CDKL3: variants seen among roughly 807,000 people sequenced by gnomAD.
CDKL3 encodes cyclin-dependent kinase-like 3.
Under a neutral mutation model 69.3 loss-of-function variants are expected in CDKL3, and 65 were observed. That is an observed-to-expected ratio of 0.94 (90% CI 0.77 to 1.15). The LOEUF (loss-of-function observed/expected upper bound fraction) is 1.15. Ranked by LOEUF, CDKL3 falls within the 50% of genes most tolerant of loss-of-function variation. CDKL3 has a pLI of 0.00. For synonymous variants in CDKL3, 202 were observed against 221.6 expected, an observed-to-expected ratio of 0.91 and a Z score of 0.79; for missense variants, 652 against 689.2, an observed-to-expected ratio of 0.95 and a Z score of 0.61.
At chr5:134,324,734 G>A (rs1330375555) in intron 4 of CDKL3, among the ~76,000 whole-genome samples, 1 of 152,098 alleles carries the variant, frequency 6.6e-6, no homozygotes, top group African/African-American at 2.4e-5. Context: ...AAGATTTTTA[G>A]GACCATAAAA....
At chr5:134,320,231 G>T (rs1316134644) in intron 5 of CDKL3, among the ~76,000 whole-genome samples, 1 of 152,046 alleles carries the variant, frequency 6.6e-6, no homozygotes, top group Non-Finnish European at 1.5e-5. Flanking sequence ...ATTGTTCATA[G>T]TATCTTCCTC....
At chr5:134,285,205 C>T (rs765687881), downstream of CDKL3, among the ~76,000 whole-genome samples, 14 of 152,200 alleles carry the variant, frequency 9.2e-5, no homozygotes, top group Non-Finnish European at 1.6e-4. Context: ...CTAGGTGGTG[C>T]CCCAGTAGGG....
At chr5:134,307,462 C>A (rs868357844) in intron 9 of CDKL3, among the ~76,000 whole-genome samples, 12 of 152,320 alleles carry the variant, frequency 7.9e-5, no homozygotes, top group Middle Eastern at 3.4e-3. Context: ...CTCACCTCTG[C>A]AGACCACTGG....
rs549243958 is a variant in CDKL3 at position 134,314,781 on chromosome 5, A to G, written c.793-2401T>C. Among the ~76,000 whole-genome samples, 3 of 152,326 alleles carry G rather than the reference A, an allele frequency of 2.0e-5. No individual in the cohort carries two copies. In the East Asian group the frequency reaches 5.8e-4, roughly 29 times the overall value. ...AATCTATGGGAATAGAAAGCAAATC[A>G]GTGGTTATCTGGGGACAGAAATGGA... On this transcript the variant is annotated intron_variant, in intron 6 of 12. Transcript: ENST00000265334.
intron 4 of CDKL3, among the ~76,000 whole-genome samples, chr5:134,333,019 A>G (rs1776192157): frequency 6.6e-6 from 1 of 152,010 alleles, no homozygotes; most frequent in Admixed American, 6.6e-5. Flanking sequence ...TATCCCTTGT[A>G]AGTTGGATTC....
At position 134,308,233 on chromosome 5, in the gene CDKL3, A is replaced by G; in HGVS notation, c.1269T>C (p.His423=). ...TNCNGLKENP[H]CGGSVTMPPI... is the part of the protein sequence containing the mutation. The stretch of plus-strand genomic sequence containing the variant: ...GTGGCATTGTCACAGAACCTCCGCA[A>G]TGTGGATTTTCTTTCAAGCCATTAC... Residue 423 remains histidine (H), a synonymous_variant, in exon 9 of 13, where the codon CAT becomes CAC. Transcript: ENST00000265334. 6.2e-7 allele frequency: 1 copy of G among 1,613,930 alleles called. No homozygotes were observed.
chr5:134,325,927 CTTTTTTT>C (rs10706943), intron 4 of CDKL3, among the ~76,000 whole-genome samples: 1 of 82,868 alleles, frequency 1.2e-5, no homozygotes, highest in African/African-American at 4.8e-5. Context: ...CCACGCCTGG[CTTTTTTT>C]TTTTTTTTTT....
At chr5:134,361,894 A>C (rs1053709395) in intron 2 of CDKL3, among the ~76,000 whole-genome samples, 5 of 152,126 alleles carry the variant, frequency 3.3e-5, no homozygotes, top group African/African-American at 7.2e-5. Flanking sequence ...ACAAGAGTGA[A>C]ACTCCGTCTC....
intron 4 of CDKL3, among the ~76,000 whole-genome samples, chr5:134,347,697 TAAAAAAAAA>T (rs1175296441): frequency 1.9e-5 from 1 of 52,826 alleles, no homozygotes; most frequent in Non-Finnish European, 3.7e-5. Flanking sequence ...CCATCTCTGC[TAAAAAAAAA>T]AAAAAAAAAA....
intron 4 of CDKL3, among the ~76,000 whole-genome samples, chr5:134,335,835 G>A (rs1487834930): frequency 6.6e-6 from 1 of 152,082 alleles, no homozygotes; most frequent in Admixed American, 6.6e-5. Context: ...TCTTTGTGGT[G>A]TTCTCTGTAT....
rs1396760376 is a variant in CDKL3 at position 134,360,003 on chromosome 5, G to C, written c.254C>G (p.Thr85Arg). The C allele has an allele frequency of 1.4e-5, 22 of 1,562,362 alleles. No individual in the cohort carries two copies. The highest frequency in any genetic ancestry group is 1.7e-4 in the Middle Eastern group (1 of 6,008). ...IHLVFEFIDH[T>R]VLDELQHYCH... ...ATAATGTTGTAACTCATCTAATACT[G>C]TGTGGTCAATAAATTCAAATACCAA... Residue 85 changes from threonine (T) to arginine (R), a missense_variant, in exon 3 of 13, where the codon ACA becomes AGA. Thr to Arg is a moderately conservative substitution (Grantham distance 71). Transcript: ENST00000265334.
At chr5:134,362,247 C>T (rs1267098373) in intron 2 of CDKL3, among the ~76,000 whole-genome samples, 1 of 152,012 alleles carries the variant, frequency 6.6e-6, no homozygotes, top group Non-Finnish European at 1.5e-5. Context: ...TGGGTCAGGC[C>T]GGTGGCTCAC....
chr5:134,293,170 G>A (rs150974), intron 8 of CDKL3, among the ~76,000 whole-genome samples: 24 of 151,664 alleles, frequency 1.6e-4, no homozygotes, highest in Non-Finnish European at 7.4e-5. Flanking sequence ...ACAGGCATGC[G>A]CCACCACGCC....
At chr5:134,323,342 T>A (rs1773295736) in intron 4 of CDKL3, among the ~76,000 whole-genome samples, 3 of 152,328 alleles carry the variant, frequency 2.0e-5, no homozygotes, top group South Asian at 4.1e-4. Flanking sequence ...TGTAAATTTT[T>A]AAAAATCCTA....
intron 6 of CDKL3, among the ~76,000 whole-genome samples, chr5:134,315,625 C>T (rs1320436946): frequency 2.0e-5 from 3 of 152,128 alleles, no homozygotes; most frequent in African/African-American, 4.8e-5. Context: ...TAAGCCACCA[C>T]GCCTGGCCTA....
intron 3 of CDKL3, among the ~76,000 whole-genome samples, chr5:134,357,384 C>T (rs10037976): frequency 0.011 from 1,658 of 151,912 alleles, 40 homozygotes; most frequent in African/African-American, 0.038. Context: ...AAGGAGGCTG[C>T]AGTGAGATCA....
chr5:134,357,438 CAAAATAAAATAAAAT>C (rs71581394), intron 3 of CDKL3, among the ~76,000 whole-genome samples: 8 of 148,618 alleles, frequency 5.4e-5, no homozygotes, highest in African/African-American at 1.3e-4. Context: ...GACTCTGTCT[CAAAATAAAATAAAAT>C]AAAATAAAAT....
At chr5:134,311,940 G>A (rs897630508) in intron 7 of CDKL3, among the ~76,000 whole-genome samples, 2 of 151,982 alleles carry the variant, frequency 1.3e-5, no homozygotes, top group Non-Finnish European at 2.9e-5. Flanking sequence ...GACTACAAGC[G>A]TGTGCCACCA....
chr5:134,368,383 C>T (rs1757918528), upstream of CDKL3, among the ~76,000 whole-genome samples: 1 of 152,136 alleles, frequency 6.6e-6, no homozygotes, highest in Non-Finnish European at 1.5e-5. Context: ...CTTTGGGAGG[C>T]CCAGGCGGGC....
Sources: gnomAD v4.1 joint callset for allele counts (sites outside exome capture counted in the v4.1 genomes callset) on GRCh38, gnomAD v4.1.1 for gene constraint, MANE v1.5 for transcripts, NCBI Gene and HGNC (gene_info 2026-07-23, HGNC 2026-07-21) for gene names.